VAMP8: variants seen among roughly 807,000 people sequenced by gnomAD.
VAMP8 encodes vesicle associated membrane protein 8, also known as vesicle-associated membrane protein 8.
A neutral mutation model predicts 11.4 loss-of-function variants in VAMP8; 9 were observed. The observed-to-expected ratio is 0.79, with a 90% confidence interval of 0.48 to 1.38. VAMP8 has a LOEUF of 1.38. VAMP8 is among the 40% of genes most tolerant of loss of function. The pLI, the probability that VAMP8 is intolerant of heterozygous loss-of-function variation, is 0.00. For synonymous variants in VAMP8, 42 were observed against 44.7 expected (o/e 0.94, Z 0.24); for missense variants, 108 against 127.8 (o/e 0.85, Z 0.75).
In VAMP8 at chr2:85,577,638, C is replaced by T. The variant is rs1399784517; in HGVS notation, c.-9C>T. The T allele has an allele frequency of 2.6e-6, 4 of 1,552,008 alleles. No homozygotes were observed. Among genetic ancestry groups the T allele is most frequent in the Non-Finnish European group, 3.5e-6 (4 of 1,147,424 alleles). ...TTCACTTACTGACCGGCCTGGGCTG[C>T]TCTGAGACATGGTGAGCCAACTGGG... On this transcript the variant is annotated 5_prime_UTR_variant, in exon 1 of 3. Coordinates refer to ENST00000263864, the MANE Select transcript of VAMP8 (RefSeq NM_003761.5).
chr2:85,577,626 C>T lies in VAMP8; in HGVS notation c.-21C>T, dbSNP rs376445301. On this transcript the variant is annotated 5_prime_UTR_variant, in exon 1 of 3. Coordinates refer to ENST00000263864, the MANE Select transcript of VAMP8 (RefSeq NM_003761.5). ...CGACTAGGCGAATTCACTTACTGAC[C>T]GGCCTGGGCTGCTCTGAGACATGGT... 6.7e-5 allele frequency: 104 copies of T among 1,551,668 alleles called. No individual in the cohort carries two copies. Among genetic ancestry groups the T allele is most frequent in the African/African-American group, 4.9e-4 (36 of 72,884 alleles).
intron 1 of VAMP8, 105 bp from the exon 2 acceptor site, chr2:85,578,904 A>T: frequency 8.4e-7 from 1 of 1,192,264 alleles, no homozygotes; most frequent in Non-Finnish European, 1.2e-6. Flanking sequence ...CAAGCATTTT[A>T]CAAAAAGCTT....
intron 2 of VAMP8, 98 bp from the exon 3 acceptor site, chr2:85,581,478 A>C (rs1306267724): frequency 6.7e-7 from 1 of 1,498,460 alleles, no homozygotes; most frequent in Non-Finnish European, 8.9e-7. Context: ...TCTCAAAAAA[A>C]AAAAAAAAGT....
At position 85,577,634 on chromosome 2, in the gene VAMP8, G is replaced by A. The variant is rs775742077; in HGVS notation, c.-13G>A. The A allele has an allele frequency of 1.2e-5, 19 of 1,552,250 alleles. No individual in the cohort carries two copies. The stretch of plus-strand genomic sequence containing the variant: ...CGAATTCACTTACTGACCGGCCTGG[G>A]CTGCTCTGAGACATGGTGAGCCAAC... On this transcript the variant is annotated 5_prime_UTR_variant, in exon 1 of 3. Coordinates refer to ENST00000263864, the MANE Select transcript of VAMP8 (RefSeq NM_003761.5).
chr2:85,581,895 AG>A lies in VAMP8; in HGVS notation c.*181del. Reference sequence around the variant, plus strand: ...CCAGAAGGTACCTTGGTCCCCCGGAAGGAGAGAAAAAAGAGAGATGGACTGT... The same window carrying A: ...CCAGAAGGTACCTTGGTCCCCCGGAAGAGAGAAAAAAGAGAGATGGACTGT... On this transcript the variant is annotated 3_prime_UTR_variant, in exon 3 of 3. Transcript: ENST00000263864. 1.2e-6 allele frequency: 1 copy of A among 819,544 alleles called. No individual in the cohort carries two copies. 50.8% of individuals were successfully genotyped at this position (819,544 alleles called of 1,614,324 possible). A position where few individuals can be genotyped will look rare whatever the true frequency, so the allele number is the denominator to read the frequency against.
At position 85,579,047 on chromosome 2, in the gene VAMP8, G is replaced by A; in HGVS notation, c.42G>A (p.Arg14=). The change falls in exon 2 of 3, where the codon CGG becomes CGA. Residue 14 remains arginine, a synonymous_variant. Transcript: ENST00000263864. ...ASEGGGNDRV[R]NLQSEVEGVK... ...AAGGTGGAGGAAATGATCGTGTGCGGAACCTGCAAAGTGAGGTGGAGGGAG... is the reference window on the plus strand; with the variant it reads ...AAGGTGGAGGAAATGATCGTGTGCGAAACCTGCAAAGTGAGGTGGAGGGAG... 6.2e-7 allele frequency: 1 copy of A among 1,608,246 alleles called. No individual in the cohort carries two copies. The highest frequency in any genetic ancestry group is 8.5e-7 in the Non-Finnish European group (1 of 1,176,904).
intron 1 of VAMP8, 129 bp from the exon 2 acceptor site, chr2:85,578,880 C>A: frequency 1.0e-6 from 1 of 976,870 alleles, no homozygotes; most frequent in Non-Finnish European, 1.5e-6. Flanking sequence ...AAAACATTCT[C>A]TTTGTAAACA....
At chr2:85,578,941 C>G (rs1018338412) in intron 1 of VAMP8, 68 bp from the exon 2 acceptor site, 2 of 1,545,210 alleles carry the variant, frequency 1.3e-6, no homozygotes, top group African/African-American at 2.7e-5. Context: ...TTACCCTCCC[C>G]AGATCTCTGA....
intron 1 of VAMP8, among the ~76,000 whole-genome samples, chr2:85,577,992 C>T (rs60190586): frequency 0.021 from 3,233 of 152,272 alleles, 116 homozygotes; most frequent in African/African-American, 0.074. Context: ...CACCAGGCAG[C>T]GCCTGGGCAG....
At chr2:85,578,614 G>C (rs372772390) in intron 1 of VAMP8, among the ~76,000 whole-genome samples, 6 of 152,200 alleles carry the variant, frequency 3.9e-5, no homozygotes, top group Non-Finnish European at 7.3e-5. Flanking sequence ...ATCAGGAAAG[G>C]GGGGTGGCTC....
Position 85,580,012 on chromosome 2 carries a change from T to C in VAMP8, c.162+845T>C, listed in dbSNP as rs374066546. On this transcript the variant is annotated intron_variant, in intron 2 of 2. Coordinates refer to ENST00000263864, the MANE Select transcript of VAMP8 (RefSeq NM_003761.5). ...ACTCTGTTGCCCAGGTTAGAGTGAG[T>C]GCAATCTTGGCTCACTGCAAACTTC... 9 of 1,342,554 alleles carry C rather than the reference T, an allele frequency of 6.7e-6. No homozygotes were observed. In the East Asian group the frequency reaches 1.3e-4, roughly 19 times the overall value. 83.2% of individuals were successfully genotyped at this position (1,342,554 alleles called of 1,614,324 possible). A position where few individuals can be genotyped will look rare whatever the true frequency, so the allele number is the denominator to read the frequency against.
intron 2 of VAMP8, among the ~76,000 whole-genome samples, chr2:85,580,471 T>G (rs1251637357): frequency 1.3e-5 from 2 of 152,028 alleles, no homozygotes; most frequent in African/African-American, 4.8e-5. Flanking sequence ...GGGCAGATTT[T>G]GCTGCCAGTG....
intron 1 of VAMP8, among the ~76,000 whole-genome samples, chr2:85,578,257 C>G (rs1672314485): frequency 6.6e-6 from 1 of 152,164 alleles, no homozygotes; most frequent in Non-Finnish European, 1.5e-5. Context: ...TTTTTCTCTC[C>G]TTGTTCAAAA....
chr2:85,577,788 C>A, intron 1 of VAMP8, 139 bp downstream of exon 1: 1 of 1,228,754 alleles, frequency 8.1e-7, no homozygotes, highest in Non-Finnish European at 1.2e-6. Flanking sequence ...GGCCTCTCTT[C>A]TTTGACAACT....
intron 2 of VAMP8, among the ~76,000 whole-genome samples, chr2:85,581,294 A>G (rs1672373668): frequency 6.6e-6 from 1 of 152,168 alleles, no homozygotes; most frequent in Non-Finnish European, 1.5e-5. Context: ...AGCCTGGCCA[A>G]CATGGTGAAA....
chr2:85,577,752 T>G (rs1672305390), intron 1 of VAMP8, 103 bp downstream of exon 1: 1 of 1,500,498 alleles, frequency 6.7e-7, no homozygotes, highest in Admixed American at 2.0e-5. Context: ...GGTGGCAAAG[T>G]TAGAGGGCTG....
intron 2 of VAMP8, among the ~76,000 whole-genome samples, chr2:85,580,587 G>A (rs967086413): frequency 2.6e-5 from 4 of 151,706 alleles, no homozygotes; most frequent in African/African-American, 9.7e-5. Context: ...CTAGGATCCT[G>A]AGAATTCTAA....
At chr2:85,580,216 T>A (rs1279849371) in intron 2 of VAMP8, among the ~76,000 whole-genome samples, 1 of 152,130 alleles carries the variant, frequency 6.6e-6, no homozygotes, top group African/African-American at 2.4e-5. Flanking sequence ...CCTCTCAAAG[T>A]GCTGGGATTA....
In VAMP8 at chr2:85,577,663, G is replaced by A. The variant is rs1338736939; in HGVS notation, c.3+14G>A. On this transcript the variant is annotated intron_variant, in intron 1 of 2. Transcript: ENST00000263864. ...CTCTGAGACATGGTGAGCCAACTGG[G>A]AACTAGGAAAGGGCTGGTTTAAAGA... 2.6e-6 allele frequency: 4 copies of A among 1,552,098 alleles called. No individual in the cohort carries two copies. The African/African-American group carries it at 5.5e-5, about 21-fold the overall frequency.
Sources: gnomAD v4.1 joint callset for allele counts (sites outside exome capture counted in the v4.1 genomes callset) on GRCh38, gnomAD v4.1.1 for gene constraint, MANE v1.5 for transcripts, NCBI Gene and HGNC (gene_info 2026-07-23, HGNC 2026-07-21) for gene names.